Variants in EMCN observed in about 807,000 individuals in gnomAD.
EMCN encodes the protein MUC-14.
EMCN carries 37 observed loss-of-function variants against 38.4 expected under a neutral mutation model. The observed-to-expected ratio is 0.96, with a 90% CI of 0.74 to 1.27. EMCN has a LOEUF of 1.27. Among genes scored for constraint, EMCN ranks in the 50% most tolerant of loss-of-function variants. The pLI is 0.00. For missense variants in EMCN, 318 were observed against 302.8 expected, an observed-to-expected ratio of 1.05 and a Z score of -0.37; for synonymous variants, 95 against 100.8, an observed-to-expected ratio of 0.94 and a Z score of 0.35.
intron 5 of EMCN, among the ~76,000 whole-genome samples, chr4:100,428,921 A>C: frequency 6.6e-6 from 1 of 152,154 alleles, no homozygotes; most frequent in Admixed American, 6.6e-5. Context: ...AACATGCAAT[A>C]AAGAATAAGT....
chr4:100,436,518 C>A (rs1192897512), intron 5 of EMCN, among the ~76,000 whole-genome samples: 3 of 152,080 alleles, frequency 2.0e-5, no homozygotes, highest in Non-Finnish European at 2.9e-5. Context: ...TGGATATATA[C>A]CCAAAGGAAT....
At chr4:100,412,943 A>AC (rs1380727838) in intron 10 of EMCN, among the ~76,000 whole-genome samples, 1 of 152,154 alleles carries the variant, frequency 6.6e-6, no homozygotes, top group East Asian at 1.9e-4. Context: ...AATGACCAGA[A>AC]CTTTAACTGT....
chr4:100,418,426 C>T, intron 8 of EMCN, among the ~76,000 whole-genome samples: 1 of 152,186 alleles, frequency 6.6e-6, no homozygotes, highest in East Asian at 1.9e-4. Context: ...TGAGTTATTT[C>T]AAAATGTATC....
At chr4:100,504,021 T>C (rs935705339) in intron 1 of EMCN, among the ~76,000 whole-genome samples, 4 of 152,156 alleles carry the variant, frequency 2.6e-5, no homozygotes, top group African/African-American at 9.7e-5. Flanking sequence ...CTATAATCTG[T>C]TTGATAAACC....
chr4:100,431,392 C>T (rs1241592832), intron 5 of EMCN, among the ~76,000 whole-genome samples: 1 of 152,122 alleles, frequency 6.6e-6, no homozygotes, highest in Non-Finnish European at 1.5e-5. Flanking sequence ...ATAAGGCTAA[C>T]ATTTGAATCA....
intron 4 of EMCN, among the ~76,000 whole-genome samples, chr4:100,458,705 CA>C (rs968536118): frequency 1.3e-5 from 2 of 152,170 alleles, no homozygotes; most frequent in Non-Finnish European, 2.9e-5. Context: ...ATTCCAACAA[CA>C]AACATACTCT....
chr4:100,401,316 G>T (rs1467608656), intron 11 of EMCN, among the ~76,000 whole-genome samples: 2 of 151,994 alleles, frequency 1.3e-5, no homozygotes, highest in African/African-American at 4.8e-5. Flanking sequence ...TCGAAATATA[G>T]TATAACAACT....
chr4:100,396,423 A>G lies in EMCN; in HGVS notation c.*1990T>C, dbSNP rs1726120240. 6.6e-6 allele frequency: 1 copy of G among 152,122 alleles called. No homozygotes were observed. Among genetic ancestry groups the G allele is most frequent in the Non-Finnish European group, 1.5e-5 (1 of 68,026 alleles). The allele number at this position is 152,122 out of a possible 1,614,324, so 9.4% of individuals were successfully genotyped here. On this transcript the variant is annotated 3_prime_UTR_variant, in exon 12 of 12. Coordinates refer to ENST00000296420, the MANE Select transcript of EMCN (RefSeq NM_016242.4). Reference sequence around the variant, plus strand: ...GGATCCAAAATAACATATTACTTATAATTTAAATTGCAGAAGAGTTCATTT... The same window carrying G: ...GGATCCAAAATAACATATTACTTATGATTTAAATTGCAGAAGAGTTCATTT...
intron 4 of EMCN, among the ~76,000 whole-genome samples, chr4:100,463,750 CAT>C (rs1386803393): frequency 1.3e-5 from 2 of 152,124 alleles, no homozygotes; most frequent in Non-Finnish European, 1.5e-5. Context: ...AATCATACCA[CAT>C]GTCATGTTTT....
At chr4:100,422,822 C>CTTTTTTTTTTTTTTTTTTTTTTCTTTT (rs71878999) in intron 7 of EMCN, among the ~76,000 whole-genome samples, 199 bp downstream of exon 7, 1 of 122,654 alleles carries the variant, frequency 8.2e-6, no homozygotes, top group African/African-American at 2.7e-5. Flanking sequence ...TCTTTCTTTT[C>CTTTTTTTTTTTTTTTTTTTTTTCTTTT]TTTTTTTTTT....
intron 2 of EMCN, among the ~76,000 whole-genome samples, chr4:100,475,844 A>C (rs1728632402): frequency 6.6e-6 from 1 of 151,190 alleles, no homozygotes; most frequent in African/African-American, 2.4e-5. Flanking sequence ...CGCCCGGCTA[A>C]TTTTTTTGTA....
chr4:100,458,073 G>T (rs1185394868), intron 4 of EMCN, among the ~76,000 whole-genome samples: 1 of 151,800 alleles, frequency 6.6e-6, no homozygotes. Flanking sequence ...CCGAGATTGT[G>T]CCACTGCACT....
At chr4:100,456,023 G>A (rs1728008114) in intron 4 of EMCN, among the ~76,000 whole-genome samples, 1 of 152,048 alleles carries the variant, frequency 6.6e-6, no homozygotes, top group African/African-American at 2.4e-5. Context: ...TCAAACTCCT[G>A]GGCTCAAGCG....
At chr4:100,438,088 C>T (rs970526724) in intron 5 of EMCN, among the ~76,000 whole-genome samples, 1 of 151,854 alleles carries the variant, frequency 6.6e-6, no homozygotes, top group Non-Finnish European at 1.5e-5. Flanking sequence ...TTTTCTCTTT[C>T]AGTATACAAA....
intron 1 of EMCN, among the ~76,000 whole-genome samples, chr4:100,480,551 T>C (rs1314616531): frequency 6.7e-6 from 1 of 149,406 alleles, no homozygotes; most frequent in Non-Finnish European, 1.5e-5. Flanking sequence ...TATACATATA[T>C]ACATATACAT....
At chr4:100,473,372 TGTTTTTTTTTTTTG>T (rs1455679059) in intron 3 of EMCN, among the ~76,000 whole-genome samples, 7 of 100,208 alleles carry the variant, frequency 7.0e-5, no homozygotes, top group South Asian at 7.4e-4. Flanking sequence ...CGTGTTTTTT[TGTTTTTTTTTTTTG>T]TTTTTTTTTT....
chr4:100,447,097 G>A (rs551685413), intron 5 of EMCN, among the ~76,000 whole-genome samples: 10 of 152,126 alleles, frequency 6.6e-5, no homozygotes, highest in Non-Finnish European at 1.5e-4. Context: ...TGGCAAATAC[G>A]AGCACTAATT....
chr4:100,407,131 G>T (rs1418617454), intron 11 of EMCN, among the ~76,000 whole-genome samples: 1 of 152,028 alleles, frequency 6.6e-6, no homozygotes, highest in African/African-American at 2.4e-5. Flanking sequence ...ATGTGAGATT[G>T]GTCTCTTAAA....
chr4:100,442,207 A>G (rs1385666990), intron 5 of EMCN, among the ~76,000 whole-genome samples: 2 of 152,206 alleles, frequency 1.3e-5, no homozygotes, highest in Non-Finnish European at 2.9e-5. Context: ...CTCTTTAAAT[A>G]TATTATTCAA....
Sources: gnomAD v4.1 joint callset for allele counts (sites outside exome capture counted in the v4.1 genomes callset) on GRCh38, gnomAD v4.1.1 for gene constraint, MANE v1.5 for transcripts, NCBI Gene and HGNC (gene_info 2026-07-23, HGNC 2026-07-21) for gene names.